The following NSUN6 variants were observed in gnomAD, a reference collection of about 807,000 sequenced individuals.
NSUN6 encodes the protein NOP2/Sun RNA methyltransferase 6, also known as tRNA (cytosine(72)-C(5))-methyltransferase NSUN6.
Under a neutral mutation model 58.0 loss-of-function variants are expected in NSUN6, and 64 were observed. The observed-to-expected ratio is 1.10, with a 90% confidence interval of 0.90 to 1.36. NSUN6 has a LOEUF of 1.36. Among genes scored for constraint, NSUN6 ranks in the 40% most tolerant of loss-of-function variants. The pLI is 0.00. For synonymous variants in NSUN6, 231 were observed against 193.9 expected (o/e 1.19, Z -1.59); for missense variants, 701 against 550.1 (o/e 1.27, Z -2.74).
At chr10:18,648,092 T>C (rs2059602065) in intron 2 of NSUN6, among the ~76,000 whole-genome samples, 1 of 152,188 alleles carries the variant, frequency 6.6e-6, no homozygotes, top group Admixed American at 6.5e-5. Context: ...GTACTTAGTA[T>C]GTACCTCCTT....
intron 3 of NSUN6, among the ~76,000 whole-genome samples, chr10:18,627,316 T>C (rs2058846087): frequency 1.3e-5 from 2 of 152,208 alleles, no homozygotes; most frequent in Non-Finnish European, 2.9e-5. Context: ...TTTAAATAAC[T>C]GTGATATCGA....
chr10:18,622,337 G>A (rs1479754729), intron 3 of NSUN6, among the ~76,000 whole-genome samples: 1 of 152,134 alleles, frequency 6.6e-6, no homozygotes, highest in East Asian at 1.9e-4. Flanking sequence ...CAAGCATACT[G>A]GCACACGTCG....
chr10:18,595,197 T>G (rs570383715), intron 7 of NSUN6, among the ~76,000 whole-genome samples: 1 of 152,290 alleles, frequency 6.6e-6, no homozygotes, highest in South Asian at 2.1e-4. Context: ...CCAGCAGGGA[T>G]CAGCTGAATC....
chr10:18,634,093 A>C (rs2059130766), intron 3 of NSUN6, among the ~76,000 whole-genome samples: 1 of 152,238 alleles, frequency 6.6e-6, no homozygotes, highest in South Asian at 2.1e-4. Flanking sequence ...AAGCAGAAAT[A>C]ATTCATTCTG....
intron 8 of NSUN6, among the ~76,000 whole-genome samples, chr10:18,570,464 T>C (rs963367886): frequency 8.9e-5 from 12 of 135,480 alleles, no homozygotes; most frequent in Non-Finnish European, 1.4e-4. Context: ...CATTCCATTC[T>C]CCAATCCATT....
intron 8 of NSUN6, among the ~76,000 whole-genome samples, chr10:18,560,182 G>A (rs374497003): frequency 6.6e-6 from 1 of 150,642 alleles, no homozygotes; most frequent in Non-Finnish European, 1.5e-5. Context: ...AATGGAGAAT[G>A]AACTGGAATG....
In NSUN6 at chr10:18,611,735, TGTGTG is replaced by T. The variant is rs1466153104; in HGVS notation, c.576-1814_576-1810del. Among the ~76,000 whole-genome samples the T allele has an allele frequency of 2.6e-4, 39 of 151,762 alleles. 1 individual carries two copies. The South Asian group carries it at 7.5e-3, about 29-fold the overall frequency. ...AGAGTCTCACTATGGTGTGTGTGTGTGTGTGTGTGTGTGTCTGTGTGTGTACAGTC... is the reference window on the plus strand; with the variant it reads ...AGAGTCTCACTATGGTGTGTGTGTGTTGTGTGTGTCTGTGTGTGTACAGTC... On this transcript the variant is annotated intron_variant, in intron 5 of 10. Transcript: ENST00000377304.
rs577437803 is a variant in NSUN6, at chr10:18,577,355, T to A, written c.922+8594A>T. Among the ~76,000 whole-genome samples the A allele has an allele frequency of 9.2e-5, 14 of 152,332 alleles. No homozygotes were observed. In the South Asian group the frequency reaches 2.9e-3, roughly 32 times the overall value. ...ACAACTCAAGGGTAAATGACCCTTT[T>A]ATAGAATGGCTAGAAAAGTGGTTCG... is the stretch of plus-strand genomic sequence containing the variant. On this transcript the variant is annotated intron_variant, in intron 8 of 10. Coordinates refer to ENST00000377304, the MANE Select transcript of NSUN6 (RefSeq NM_182543.5).
chr10:18,658,830 C>T (rs1312702717), upstream of NSUN6, among the ~76,000 whole-genome samples: 1 of 152,066 alleles, frequency 6.6e-6, no homozygotes, highest in Non-Finnish European at 1.5e-5. Context: ...AGCCCGACCT[C>T]GTCTGCAATC....
At chr10:18,616,139 T>A (rs11813862) in intron 4 of NSUN6, 45 bp downstream of exon 4, 2 of 1,103,982 alleles carry the variant, frequency 1.8e-6, no homozygotes, top group South Asian at 1.3e-5. Context: ...AAAATGCACA[T>A]AAATTTTAGA....
At chr10:18,653,187 GA>G, upstream of NSUN6, 2 of 984,410 alleles carry the variant, frequency 2.0e-6, no homozygotes, top group African/African-American at 3.5e-5. Context: ...ACTCCACAAG[GA>G]TAGAGACTTT....
At chr10:18,584,296 C>G (rs12766105) in intron 8 of NSUN6, among the ~76,000 whole-genome samples, 33,091 of 152,148 alleles carry the variant, frequency 0.22, 3,998 homozygotes, top group South Asian at 0.35. Flanking sequence ...TCACTTCCCC[C>G]CTTACCTTAT....
chr10:18,548,389 C>A (rs111591727), intron 9 of NSUN6, 152 bp from the exon 10 acceptor site: 9 of 634,348 alleles, frequency 1.4e-5, no homozygotes, highest in East Asian at 2.9e-5. Context: ...TTAGAGTATG[C>A]AAGAGCAACA....
At chr10:18,561,384 C>G (rs559242606) in intron 8 of NSUN6, among the ~76,000 whole-genome samples, 3 of 60,830 alleles carry the variant, frequency 4.9e-5, no homozygotes, top group South Asian at 7.8e-4. Flanking sequence ...GAATGGAATG[C>G]AGTGGTGAAT....
At position 18,595,672 on chromosome 10, in the gene NSUN6, A is replaced by G. The variant is rs561365322; in HGVS notation, c.777+536T>C. On this transcript the variant is annotated intron_variant, in intron 7 of 10. Coordinates refer to ENST00000377304, the MANE Select transcript of NSUN6 (RefSeq NM_182543.5). ...GTATTACATTCCTCAAAATGTAAAC[A>G]ACAAATATCCTTTTCTCTTTTTTGA... Among the ~76,000 whole-genome samples, 4 of 152,350 alleles carry G rather than the reference A, an allele frequency of 2.6e-5. No individual in the cohort carries two copies. In the South Asian group the frequency reaches 6.2e-4, roughly 24 times the overall value.
chr10:18,603,127 T>C (rs11015091), intron 6 of NSUN6, among the ~76,000 whole-genome samples: 7,368 of 152,212 alleles, frequency 0.048, 274 homozygotes, highest in Non-Finnish European at 0.077. Context: ...ACCCTGTCTC[T>C]ACTAAAAATA....
In NSUN6 at chr10:18,558,400, A is replaced by G. The variant is rs139072677; in HGVS notation, c.923-6429T>C. 3.6e-4 allele frequency among the ~76,000 whole-genome samples: 54 copies of G among 150,786 alleles called. 1 individual carries two copies. In the East Asian group the frequency reaches 5.1e-3, roughly 14 times the overall value. On this transcript the variant is annotated intron_variant, in intron 8 of 10. Coordinates refer to ENST00000377304, the MANE Select transcript of NSUN6 (RefSeq NM_182543.5). ...AATGGAATGGAATGCAGTGGTGAAT[A>G]GAATGAAATGGAGAATGGAATGTAA...
intron 3 of NSUN6, among the ~76,000 whole-genome samples, chr10:18,619,127 G>T (rs1187286306): frequency 6.6e-6 from 1 of 152,182 alleles, no homozygotes. Context: ...ATAGTGGTTT[G>T]ATTCCCAGTG....
chr10:18,646,864 T>C (rs1385159935), intron 2 of NSUN6, among the ~76,000 whole-genome samples: 1 of 152,158 alleles, frequency 6.6e-6, no homozygotes, highest in African/African-American at 2.4e-5. Flanking sequence ...ATCTGAGTTA[T>C]GGATACTTCC....
Sources: gnomAD v4.1 joint callset for allele counts (sites outside exome capture counted in the v4.1 genomes callset) on GRCh38, gnomAD v4.1.1 for gene constraint, MANE v1.5 for transcripts, NCBI Gene and HGNC (gene_info 2026-07-23, HGNC 2026-07-21) for gene names.